The following THOP1 variants were observed in gnomAD, a reference collection of about 807,000 sequenced individuals.
THOP1 encodes thimet oligopeptidase.
In THOP1, 49 loss-of-function variants were observed where a neutral mutation model predicts 71.8. The observed-to-expected ratio is 0.68, with a 90% confidence interval of 0.54 to 0.87. THOP1 has a LOEUF of 0.87. Ranked by LOEUF, THOP1 falls within the 40% of genes least tolerant of loss-of-function variation. The pLI, the probability that THOP1 is intolerant of heterozygous loss-of-function variation, is 0.00. For missense variants in THOP1, 843 were observed against 975.6 expected (o/e 0.86, Z 1.81); for synonymous variants, 426 against 421.5 (o/e 1.01, Z -0.13).
intron 2 of THOP1, among the ~76,000 whole-genome samples, chr19:2,792,621 T>TA (rs1568319133): frequency 1.6e-4 from 24 of 151,902 alleles, no homozygotes; most frequent in Middle Eastern, 3.4e-3. Context: ...ATGCTTTTTT[T>TA]TAAAAAAAAT....
chr19:2,806,861 C>T (rs1916303890), intron 6 of THOP1, 56 bp from the exon 7 acceptor site: 2 of 1,609,764 alleles, frequency 1.2e-6, no homozygotes, highest in Non-Finnish European at 1.7e-6. Flanking sequence ...GCGTGCTGGC[C>T]CTGGAGGTGG....
Position 2,801,560 on chromosome 19 carries a change from C to T in THOP1, c.589+1769C>T, listed in dbSNP as rs577494247. Among the ~76,000 whole-genome samples, 29 of 152,258 alleles carry T rather than the reference C, an allele frequency of 1.9e-4. No individual in the cohort carries two copies. Among genetic ancestry groups the T allele is most frequent in the African/African-American group, 6.3e-4 (26 of 41,534 alleles). ...CCGGGACCTGTTTCCCTTTGTGGTC[C>T]GTCATTTCTCAGGAGACGCCTTGCG... is the stretch of plus-strand genomic sequence containing the variant. On this transcript the variant is annotated intron_variant, in intron 5 of 12. Coordinates refer to ENST00000307741, the MANE Select transcript of THOP1 (RefSeq NM_003249.5). This position sits in a 1 kb window ranked among gnomAD's most constrained non-coding sequence, Gnocchi z 5.1.
At chr19:2,807,324 A>G in intron 7 of THOP1, 118 bp from the exon 8 acceptor site, 1 of 1,419,546 alleles carries the variant, frequency 7.0e-7, no homozygotes, top group Non-Finnish European at 9.2e-7. Context: ...GTTGCCGGGA[A>G]CTGCGGGTCC....
intron 2 of THOP1, among the ~76,000 whole-genome samples, chr19:2,791,115 G>A (rs1255680496): frequency 4.6e-5 from 7 of 152,334 alleles, no homozygotes; most frequent in African/African-American, 1.4e-4. Context: ...GCCCTCCGGC[G>A]GGGGTGACCT....
At chr19:2,798,446 C>T (rs999758130) in intron 4 of THOP1, among the ~76,000 whole-genome samples, 2 of 152,216 alleles carry the variant, frequency 1.3e-5, no homozygotes, top group Non-Finnish European at 2.9e-5. Context: ...GAGGCAGCCC[C>T]GCCTGGAGGA....
intron 12 of THOP1, 132 bp from the exon 13 acceptor site, chr19:2,812,983 C>T (rs1053892744): frequency 6.9e-5 from 75 of 1,084,982 alleles, no homozygotes; most frequent in Non-Finnish European, 9.2e-5. Context: ...ATGCAGGCGG[C>T]CCCCGGGCCT....
chr19:2,789,761 T>G (rs991923967), intron 1 of THOP1, among the ~76,000 whole-genome samples: 80 of 148,228 alleles, frequency 5.4e-4, no homozygotes, highest in African/African-American at 1.8e-3. Flanking sequence ...GATTTTTTTT[T>G]TTTCTCTTTG....
At position 2,804,040 on chromosome 19, in the gene THOP1, C is replaced by G. The variant is rs1481571291; in HGVS notation, c.590-976C>G. Among the ~76,000 whole-genome samples the G allele has an allele frequency of 6.6e-6, 1 of 151,962 alleles. No homozygotes were observed. Among genetic ancestry groups the G allele is most frequent in the Non-Finnish European group, 1.5e-5 (1 of 67,972 alleles). On this transcript the variant is annotated intron_variant, in intron 5 of 12. Coordinates refer to ENST00000307741, the MANE Select transcript of THOP1 (RefSeq NM_003249.5). The surrounding 1 kb of genome is among the most constrained non-coding windows in gnomAD (Gnocchi z 4.7). Reference sequence around the variant, plus strand: ...CCTACTGCTCTGGGGTCCGTGTGAGCTCCGGATCATTCTTTCCACCCTGAC... The same window carrying G: ...CCTACTGCTCTGGGGTCCGTGTGAGGTCCGGATCATTCTTTCCACCCTGAC...
Position 2,805,654 on chromosome 19 carries a change from G to C in THOP1, c.750+478G>C, listed in dbSNP as rs577370400. Among the ~76,000 whole-genome samples, 2 of 152,080 alleles carry C rather than the reference G, an allele frequency of 1.3e-5. No individual in the cohort carries two copies. Among genetic ancestry groups the C allele is most frequent in the Non-Finnish European group, 2.9e-5 (2 of 68,010 alleles). On this transcript the variant is annotated intron_variant, in intron 6 of 12. Coordinates refer to ENST00000307741, the MANE Select transcript of THOP1 (RefSeq NM_003249.5). The surrounding 1 kb of genome is among the most constrained non-coding windows in gnomAD (Gnocchi z 6.6). ...CTGTCCACGGCGCCATGGTGTGGTC[G>C]GTCAGGTGGTCTCTGCACGTCTCCC...
At chr19:2,791,924 C>T (rs991414498) in intron 2 of THOP1, among the ~76,000 whole-genome samples, 1 of 152,238 alleles carries the variant, frequency 6.6e-6, no homozygotes, top group South Asian at 2.1e-4. Context: ...CCAGTCTCCT[C>T]GTGCCTGGCA....
chr19:2,795,011 A>G lies in THOP1; in HGVS notation c.378+99A>G. On this transcript the variant is annotated intron_variant, in intron 3 of 12. Coordinates refer to ENST00000307741, the MANE Select transcript of THOP1 (RefSeq NM_003249.5). The stretch of plus-strand genomic sequence containing the variant: ...GCTAATTTTTGTATTTTTAGTAGAG[A>G]CGGGGTTTCAACGTGTTGGTCAGGC... The G allele has an allele frequency of 2.8e-6, 4 of 1,416,418 alleles. No homozygotes were observed. In the South Asian group the frequency reaches 5.1e-5, roughly 18 times the overall value. 87.7% of individuals were successfully genotyped at this position (1,416,418 alleles called of 1,614,324 possible). A position where few individuals can be genotyped will look rare whatever the true frequency, so the allele number is the denominator to read the frequency against.
chr19:2,802,158 C>G (rs1192168564), intron 5 of THOP1, among the ~76,000 whole-genome samples: 1 of 151,416 alleles, frequency 6.6e-6, no homozygotes, highest in South Asian at 2.1e-4. Flanking sequence ...CCAACACCAC[C>G]ATCTCCAACA....
chr19:2,790,294 A>C, intron 1 of THOP1, 127 bp from the exon 2 acceptor site: 3 of 861,968 alleles, frequency 3.5e-6, no homozygotes, highest in Non-Finnish European at 3.4e-6. Context: ...CTTCCCTACA[A>C]GAGCCCTGGA....
At chr19:2,794,325 C>CT (rs1414444048) in intron 2 of THOP1, among the ~76,000 whole-genome samples, 2 of 152,104 alleles carry the variant, frequency 1.3e-5, no homozygotes, top group Non-Finnish European at 2.9e-5. Context: ...AAAGCTTATG[C>CT]TTTTCTAGCC....
intron 4 of THOP1, among the ~76,000 whole-genome samples, chr19:2,798,906 G>A (rs1285776857): frequency 1.3e-5 from 2 of 152,192 alleles, no homozygotes; most frequent in Non-Finnish European, 2.9e-5. Context: ...TCACATAGTG[G>A]TCACCTCCCA....
At chr19:2,800,013 G>T (rs140736416) in intron 5 of THOP1, among the ~76,000 whole-genome samples, 88 of 152,304 alleles carry the variant, frequency 5.8e-4, no homozygotes, top group Non-Finnish European at 1.0e-3. Flanking sequence ...CTTGGGGAGG[G>T]CCATGGTCTG....
At chr19:2,787,534 C>T (rs1213432219) in intron 1 of THOP1, among the ~76,000 whole-genome samples, 2 of 152,182 alleles carry the variant, frequency 1.3e-5, no homozygotes, top group Admixed American at 6.6e-5. Context: ...TTCTTTACCC[C>T]ACGGTTTAAT....
intron 4 of THOP1, 41 bp from the exon 5 acceptor site, chr19:2,799,648 C>G (rs1349771868): frequency 1.3e-6 from 2 of 1,546,160 alleles, no homozygotes; most frequent in Non-Finnish European, 1.8e-6. Context: ...CGGAGCCCGC[C>G]CCGGTCTCTC....
rs767568189 is a variant in THOP1, at chr19:2,799,752, G to A, written c.550G>A (p.Glu184Lys). The A allele has an allele frequency of 2.1e-5, 34 of 1,613,792 alleles. No homozygotes were observed. The highest frequency in any genetic ancestry group is 2.6e-5 in the Non-Finnish European group (31 of 1,179,942). The change falls in exon 5 of 13, where the codon GAG (glutamate) becomes AAG (lysine). Residue 184 changes from glutamate (E) to lysine (K), a missense_variant. By Grantham distance (56) the Glu-to-Lys change is moderately conservative (BLOSUM62 1). Transcript: ENST00000307741. ...CATCGACTTCAACAAGAACCTGAAC[G>A]AGGACACGACCTTCCTGCCCTTCAC... is the stretch of plus-strand genomic sequence containing the variant. The part of the protein sequence containing the change: ...LCIDFNKNLN[E>K]DTTFLPFTLQ...
Sources: allele counts gnomAD v4.1 joint callset (sites outside exome capture counted in the v4.1 genomes callset), GRCh38; gene constraint gnomAD v4.1.1; non-coding constraint Gnocchi (gnomAD v3.1); transcripts MANE v1.5; gene names NCBI Gene and HGNC (gene_info 2026-07-23, HGNC 2026-07-21).